ANKRD6: variants seen among roughly 807,000 people sequenced by gnomAD.
The protein encoded by ANKRD6 is ankyrin repeat domain-containing protein 6.
Under a neutral mutation model 82.3 loss-of-function variants are expected in ANKRD6, and 56 were observed. The ratio of observed to expected loss-of-function variants is 0.68; its 90% confidence interval spans 0.55 to 0.85. The LOEUF is 0.85. Among genes scored for constraint, ANKRD6 ranks in the 40% least tolerant of loss-of-function variants. ANKRD6 has a pLI of 0.00. For missense variants in ANKRD6, 852 were observed against 907.6 expected (o/e 0.94, Z 0.79); for synonymous variants, 347 against 352.1 (o/e 0.99, Z 0.16).
rs770103469 is a variant in ANKRD6 at position 89,630,881 on chromosome 6, TGAA to T, written c.2066_2068del (p.Glu689del). ...TGGAAAAGTGGTATGAAAGGAAGATTGAAGAAGCACGAAGCCAAGCCAATCAGA... is the reference window on the plus strand; with the variant it reads ...TGGAAAAGTGGTATGAAAGGAAGATTGAAGCACGAAGCCAAGCCAATCAGA... On this transcript the variant is annotated inframe_deletion, in exon 16 of 16. Coordinates refer to ENST00000339746, the MANE Select transcript of ANKRD6 (RefSeq NM_001242809.2). 2.5e-6 allele frequency: 4 copies of T among 1,613,634 alleles called. No homozygotes were observed. The African/African-American group carries it at 5.3e-5, about 22-fold the overall frequency.
At chr6:89,573,959 C>A (rs957882085) in intron 2 of ANKRD6, among the ~76,000 whole-genome samples, 3 of 152,176 alleles carry the variant, frequency 2.0e-5, no homozygotes, top group Non-Finnish European at 4.4e-5. Flanking sequence ...ATTGATGTAA[C>A]CTTGTTCTCT....
chr6:89,527,348 A>G (rs1441749607), intron 1 of ANKRD6, among the ~76,000 whole-genome samples: 4 of 152,112 alleles, frequency 2.6e-5, no homozygotes, highest in Non-Finnish European at 5.9e-5. Flanking sequence ...TAATCCCAGC[A>G]CTTTGGGAGG....
At chr6:89,579,288 C>G (rs1791895449) in intron 2 of ANKRD6, among the ~76,000 whole-genome samples, 1 of 152,222 alleles carries the variant, frequency 6.6e-6, no homozygotes, top group Non-Finnish European at 1.5e-5. Context: ...TATATGCAAA[C>G]TACTTAGAAC....
chr6:89,537,860 A>G (rs1183115744), intron 1 of ANKRD6, among the ~76,000 whole-genome samples: 2 of 145,282 alleles, frequency 1.4e-5, no homozygotes, highest in Non-Finnish European at 3.0e-5. Flanking sequence ...GGTTGTGCTG[A>G]CAGAGTGAGA....
At chr6:89,499,773 A>G (rs758413852) in intron 1 of ANKRD6, among the ~76,000 whole-genome samples, 2 of 152,094 alleles carry the variant, frequency 1.3e-5, no homozygotes, top group Non-Finnish European at 2.9e-5. Context: ...TGGACAACCT[A>G]AACACCCTCA....
At chr6:89,448,992 T>C (rs1304808340) in intron 1 of ANKRD6, among the ~76,000 whole-genome samples, 1 of 134,154 alleles carries the variant, frequency 7.5e-6, no homozygotes, top group Non-Finnish European at 1.5e-5. Flanking sequence ...ATCGCGCCAC[T>C]GCACTCCAAC....
At chr6:89,587,134 T>G (rs192764356) in intron 2 of ANKRD6, among the ~76,000 whole-genome samples, 1 of 144,092 alleles carries the variant, frequency 6.9e-6, no homozygotes, top group East Asian at 2.0e-4. Context: ...TAGGTTGCAG[T>G]GAGTTGAGAT....
intron 1 of ANKRD6, among the ~76,000 whole-genome samples, chr6:89,466,948 T>G (rs1377819319): frequency 2.0e-5 from 3 of 152,158 alleles, no homozygotes; most frequent in African/African-American, 7.2e-5. Flanking sequence ...CTCAAGTTAT[T>G]CTCCCATATT....
chr6:89,610,005 C>T (rs1288621862), intron 5 of ANKRD6, among the ~76,000 whole-genome samples: 1 of 152,090 alleles, frequency 6.6e-6, no homozygotes, highest in Non-Finnish European at 1.5e-5. Flanking sequence ...AGCCATAGCC[C>T]GTAGAAAGAT....
chr6:89,603,311 C>A (rs1212823726), intron 4 of ANKRD6, among the ~76,000 whole-genome samples, 184 bp downstream of exon 4: 4 of 151,372 alleles, frequency 2.6e-5, no homozygotes, highest in South Asian at 2.1e-4. Flanking sequence ...GGTATCCCAG[C>A]CAATTGTAAT....
intron 1 of ANKRD6, among the ~76,000 whole-genome samples, chr6:89,552,463 T>C (rs1464808278): frequency 1.3e-5 from 2 of 152,220 alleles, no homozygotes; most frequent in Non-Finnish European, 2.9e-5. Flanking sequence ...CCAAATACTG[T>C]GTCATGCTGC....
intron 1 of ANKRD6, among the ~76,000 whole-genome samples, chr6:89,436,285 C>T (rs1253393729): frequency 1.3e-5 from 2 of 152,100 alleles, no homozygotes; most frequent in African/African-American, 2.4e-5. Context: ...TTAATATTTC[C>T]GCAGCATTTG....
At chr6:89,611,814 G>A (rs1363710794) in intron 5 of ANKRD6, among the ~76,000 whole-genome samples, 4 of 152,336 alleles carry the variant, frequency 2.6e-5, no homozygotes, top group African/African-American at 9.6e-5. Context: ...ACTTTTTTTA[G>A]CCCACCATTG....
chr6:89,479,364 C>A (rs1023506860), intron 1 of ANKRD6, among the ~76,000 whole-genome samples: 1 of 152,150 alleles, frequency 6.6e-6, no homozygotes, highest in Admixed American at 6.5e-5. Context: ...AGGATAGATT[C>A]TCAGCAACGT....
At chr6:89,510,587 T>C (rs528467888) in intron 1 of ANKRD6, among the ~76,000 whole-genome samples, 1 of 152,276 alleles carries the variant, frequency 6.6e-6, no homozygotes, top group African/African-American at 2.4e-5. Flanking sequence ...ATTCTGTGGG[T>C]TTTGGTATAT....
At chr6:89,507,986 C>T (rs956823440) in intron 1 of ANKRD6, among the ~76,000 whole-genome samples, 1 of 152,098 alleles carries the variant, frequency 6.6e-6, no homozygotes, top group African/African-American at 2.4e-5. Flanking sequence ...TGAAAATGTT[C>T]ATACATACAG....
At chr6:89,450,770 G>C (rs1772712999) in intron 1 of ANKRD6, among the ~76,000 whole-genome samples, 1 of 152,068 alleles carries the variant, frequency 6.6e-6, no homozygotes, top group African/African-American at 2.4e-5. Flanking sequence ...CAGAGTGCTG[G>C]GGGTTACAGG....
intron 1 of ANKRD6, among the ~76,000 whole-genome samples, chr6:89,535,144 A>T (rs920946065): frequency 6.6e-6 from 1 of 152,220 alleles, no homozygotes; most frequent in African/African-American, 2.4e-5. Context: ...CAAGTTCATT[A>T]AAAATGGAAT....
At chr6:89,526,791 G>A (rs999572954) in intron 1 of ANKRD6, among the ~76,000 whole-genome samples, 1 of 152,198 alleles carries the variant, frequency 6.6e-6, no homozygotes, top group African/African-American at 2.4e-5. Flanking sequence ...GGAGCCTATG[G>A]CGTAGGCTCC....
Sources: allele counts gnomAD v4.1 joint callset (sites outside exome capture counted in the v4.1 genomes callset), GRCh38; gene constraint gnomAD v4.1.1; transcripts MANE v1.5; gene names NCBI Gene and HGNC (gene_info 2026-07-23, HGNC 2026-07-21).